Variants in LY86 observed in about 807,000 individuals in gnomAD.
LY86 encodes the protein lymphocyte antigen 86.
Under a neutral mutation model 17.3 loss-of-function variants are expected in LY86, and 20 were observed. That is an observed-to-expected ratio of 1.15 (90% CI 0.81 to 1.68). The LOEUF is 1.68. Ranked by LOEUF, LY86 falls within the 40% of genes most tolerant of loss-of-function variation. The pLI is 0.00. For missense variants in LY86, 200 were observed against 191.9 expected, an observed-to-expected ratio of 1.04 and a Z score of -0.25; for synonymous variants, 74 against 70.6, an observed-to-expected ratio of 1.05 and a Z score of -0.24.
intron 1 of LY86, among the ~76,000 whole-genome samples, chr6:6,601,198 G>A (rs1218080548): frequency 6.6e-6 from 1 of 152,166 alleles, no homozygotes; most frequent in Non-Finnish European, 1.5e-5. Flanking sequence ...CAGGATCTCA[G>A]CAGAGCTTCT....
chr6:6,603,233 T>C (rs1359964694), intron 1 of LY86, among the ~76,000 whole-genome samples: 1 of 152,066 alleles, frequency 6.6e-6, no homozygotes, highest in Non-Finnish European at 1.5e-5. Flanking sequence ...GGAATTAGGT[T>C]TTAACATATA....
In LY86 at chr6:6,588,870, G is replaced by C. The variant is rs757134663; in HGVS notation, c.136G>C (p.Asp46His). The change falls in exon 1 of 5, where the codon GAT becomes CAT. Residue 46 changes from aspartate (D) to histidine (H), a missense_variant and splice_region_variant. Physicochemically the swap from Asp to His is moderately conservative, Grantham distance 81. Coordinates refer to ENST00000230568, the MANE Select transcript of LY86 (RefSeq NM_004271.4). ...SGLEVLYQSC[D>H]PLQDFGFSVE... ...CTTGGAAGTGCTCTACCAGAGTTGC[G>C]GTAAGCCCTTGCAGTACACCCATGT... 3 of 1,613,874 alleles carry C rather than the reference G, an allele frequency of 1.9e-6. No individual in the cohort carries two copies. The highest frequency in any genetic ancestry group is 1.7e-4 in the Middle Eastern group (1 of 6,050).
At chr6:6,635,332 G>T (rs138742311) in intron 3 of LY86, among the ~76,000 whole-genome samples, 1 of 152,266 alleles carries the variant, frequency 6.6e-6, no homozygotes, top group African/African-American at 2.4e-5. Context: ...GCCATAGTTA[G>T]AAATTAACAA....
At chr6:6,616,046 ACTAT>A (rs1473893477) in intron 1 of LY86, among the ~76,000 whole-genome samples, 6 of 152,218 alleles carry the variant, frequency 3.9e-5, no homozygotes, top group African/African-American at 1.2e-4. Flanking sequence ...CCAATTATTA[ACTAT>A]CTATTATGTG....
At chr6:6,627,581 G>A (rs957514128) in intron 3 of LY86, among the ~76,000 whole-genome samples, 2 of 152,154 alleles carry the variant, frequency 1.3e-5, no homozygotes, top group African/African-American at 4.8e-5. Flanking sequence ...ACCACGAGCT[G>A]CTTGAGGGTA....
At chr6:6,594,379 T>G (rs1466840328) in intron 1 of LY86, among the ~76,000 whole-genome samples, 1 of 152,210 alleles carries the variant, frequency 6.6e-6, no homozygotes, top group Non-Finnish European at 1.5e-5. Flanking sequence ...TATCTGAAAT[T>G]CAAATTTCTG....
chr6:6,643,177 C>T (rs1762063700), intron 3 of LY86, among the ~76,000 whole-genome samples: 1 of 152,150 alleles, frequency 6.6e-6, no homozygotes, highest in East Asian at 1.9e-4. Context: ...GAGGAATCTC[C>T]ACACTGTTTT....
intron 1 of LY86, among the ~76,000 whole-genome samples, chr6:6,619,970 T>C (rs1761637056): frequency 6.6e-6 from 1 of 152,086 alleles, no homozygotes; most frequent in African/African-American, 2.4e-5. Flanking sequence ...GGGTTGCACT[T>C]GGCCATGAGT....
intron 1 of LY86, among the ~76,000 whole-genome samples, chr6:6,603,560 C>T (rs1760981489): frequency 7.1e-6 from 1 of 141,386 alleles, no homozygotes; most frequent in Non-Finnish European, 1.5e-5. Context: ...GATGAGGTCT[C>T]CAGAAGCCAA....
At chr6:6,603,899 C>T (rs892207910) in intron 1 of LY86, among the ~76,000 whole-genome samples, 1 of 151,890 alleles carries the variant, frequency 6.6e-6, no homozygotes, top group African/African-American at 2.4e-5. Context: ...GGAAGAAAAA[C>T]ACTATTAGGC....
intron 1 of LY86, among the ~76,000 whole-genome samples, chr6:6,605,279 C>G (rs1336279794): frequency 1.5e-5 from 1 of 68,866 alleles, no homozygotes; most frequent in Non-Finnish European, 4.0e-5. Flanking sequence ...CCTCACCTCA[C>G]AGTTTTTTTC....
intron 3 of LY86, among the ~76,000 whole-genome samples, chr6:6,627,218 TC>T (rs1178138185): frequency 1.3e-5 from 2 of 152,158 alleles, no homozygotes; most frequent in Non-Finnish European, 2.9e-5. Context: ...AATACACCCC[TC>T]ACCCCACATC....
intron 1 of LY86, among the ~76,000 whole-genome samples, chr6:6,605,125 A>T (rs529374682): frequency 4.1e-4 from 62 of 152,278 alleles, no homozygotes; most frequent in Non-Finnish European, 8.1e-4. Context: ...TTTGAGATAT[A>T]AAATGGAATG....
chr6:6,602,458 T>C (rs975779092), intron 1 of LY86, among the ~76,000 whole-genome samples: 2 of 152,254 alleles, frequency 1.3e-5, no homozygotes, highest in Non-Finnish European at 2.9e-5. Context: ...TAGTACAGTA[T>C]ACATAGTCCA....
intron 2 of LY86, among the ~76,000 whole-genome samples, 194 bp from the exon 3 acceptor site, chr6:6,626,099 G>A (rs76739578): frequency 1.4e-4 from 21 of 152,262 alleles, no homozygotes; most frequent in African/African-American, 4.3e-4. Context: ...CCTTTCATAC[G>A]CAGGGCCCCA....
intron 1 of LY86, among the ~76,000 whole-genome samples, chr6:6,594,896 G>C (rs1312485609): frequency 6.6e-6 from 1 of 152,170 alleles, no homozygotes. Flanking sequence ...ATATACCTGA[G>C]CCATGATACA....
At chr6:6,648,257 A>T (rs1762135629) in intron 3 of LY86, among the ~76,000 whole-genome samples, 1 of 152,202 alleles carries the variant, frequency 6.6e-6, no homozygotes, top group Non-Finnish European at 1.5e-5. Context: ...ACACAGCAGA[A>T]TGTCTCTGCA....
chr6:6,654,441 C>A, intron 4 of LY86, 103 bp from the exon 5 acceptor site: 1 of 847,630 alleles, frequency 1.2e-6, no homozygotes, highest in South Asian at 1.6e-5. Context: ...TCCACAATGT[C>A]CAGAACAGCA....
intron 1 of LY86, among the ~76,000 whole-genome samples, chr6:6,605,067 T>C (rs1013751419): frequency 2.2e-5 from 3 of 134,736 alleles, no homozygotes; most frequent in African/African-American, 8.4e-5. Flanking sequence ...ACCGAGACTC[T>C]CACTAAAAGA....
Sources: allele counts gnomAD v4.1 joint callset (sites outside exome capture counted in the v4.1 genomes callset), GRCh38; gene constraint gnomAD v4.1.1; transcripts MANE v1.5; gene names NCBI Gene and HGNC (gene_info 2026-07-23, HGNC 2026-07-21).